EPHB2: variants seen among roughly 807,000 people sequenced by gnomAD.
EPHB2 encodes the protein ephrin type-B receptor 2.
In EPHB2, 18 loss-of-function variants were observed where a neutral mutation model predicts 96.4. The observed-to-expected ratio is 0.19, with a 90% confidence interval of 0.13 to 0.28. The LOEUF (loss-of-function observed/expected upper bound fraction) is 0.28. Among genes scored for constraint, EPHB2 ranks in the 10% least tolerant of loss-of-function variants. The probability of loss-of-function intolerance (pLI) is 1.00; values close to 1 mark genes in which losing one functional copy is unlikely to be tolerated. For synonymous variants in EPHB2, 506 were observed against 534.1 expected (o/e 0.95, Z 0.72); for missense variants, 989 against 1,355.4 (o/e 0.73, Z 4.25).
chr1:22,768,452 C>T (rs534942840), intron 1 of EPHB2, among the ~76,000 whole-genome samples: 1 of 152,132 alleles, frequency 6.6e-6, no homozygotes, highest in African/African-American at 2.4e-5. Context: ...TTTGGGAGGC[C>T]GAGGTGGGAG....
chr1:22,729,837 C>T (rs1643666213), intron 1 of EPHB2, among the ~76,000 whole-genome samples: 1 of 152,262 alleles, frequency 6.6e-6, no homozygotes, highest in South Asian at 2.1e-4. Context: ...TGCTTCATCA[C>T]TTAGATTCCC....
chr1:22,856,092 C>A (rs1483259340), intron 3 of EPHB2, among the ~76,000 whole-genome samples: 1 of 152,070 alleles, frequency 6.6e-6, no homozygotes, highest in African/African-American at 2.4e-5. Context: ...CTGGGCCTGA[C>A]CCAGCGATTG....
At chr1:22,823,066 G>T (rs1363205028) in intron 3 of EPHB2, among the ~76,000 whole-genome samples, 1 of 152,128 alleles carries the variant, frequency 6.6e-6, no homozygotes, top group African/African-American at 2.4e-5. Flanking sequence ...GGTCCTCATT[G>T]TTTCTTAGGA....
Position 22,838,666 on chromosome 1 carries a change from C to T in EPHB2, c.812-24371C>T, listed in dbSNP as rs1016314188. Among the ~76,000 whole-genome samples the T allele has an allele frequency of 1.1e-4, 16 of 152,162 alleles. 1 individual carries two copies. In the South Asian group the frequency reaches 1.2e-3, roughly 12 times the overall value. ...TACTAGAGGCCAGGTGCGTGGCTCA[C>T]GCCTGTAATCCCAGCACTTTGGGAG... On this transcript the variant is annotated intron_variant, in intron 3 of 15. Transcript: ENST00000374630.
intron 6 of EPHB2, among the ~76,000 whole-genome samples, chr1:22,883,459 C>T (rs1025000298): frequency 2.0e-5 from 3 of 152,234 alleles, no homozygotes; most frequent in Non-Finnish European, 2.9e-5. Flanking sequence ...CAGGAGGCAA[C>T]AAACAGCCAC....
At chr1:22,853,669 C>T (rs1290647481) in intron 3 of EPHB2, among the ~76,000 whole-genome samples, 6 of 152,252 alleles carry the variant, frequency 3.9e-5, no homozygotes, top group Non-Finnish European at 8.8e-5. Context: ...AGCAAAGGCC[C>T]AGAGGCGAGA....
intron 5 of EPHB2, among the ~76,000 whole-genome samples, chr1:22,866,486 A>G (rs552512458): frequency 7.3e-5 from 11 of 151,162 alleles, no homozygotes; most frequent in African/African-American, 2.4e-4. Context: ...CTCATCTTGA[A>G]CTCCTGGCCT....
chr1:22,880,459 AT>A (rs746677205), intron 5 of EPHB2, among the ~76,000 whole-genome samples: 1 of 152,220 alleles, frequency 6.6e-6, no homozygotes, highest in Non-Finnish European at 1.5e-5. Context: ...TGAGGAAAGA[AT>A]GCAGGAGGTG....
At chr1:22,904,851 T>C (rs1384838939) in intron 9 of EPHB2, among the ~76,000 whole-genome samples, 8 of 152,238 alleles carry the variant, frequency 5.3e-5, no homozygotes, top group African/African-American at 1.9e-4. Flanking sequence ...GGTCAACTCA[T>C]ATGTCCAAGG....
chr1:22,873,936 G>A (rs1004130674), intron 5 of EPHB2, among the ~76,000 whole-genome samples: 1 of 152,196 alleles, frequency 6.6e-6, no homozygotes, highest in Admixed American at 6.5e-5. Context: ...CCAGGATTTT[G>A]TTAAGTTGAG....
At chr1:22,836,927 T>G (rs1645394188) in intron 3 of EPHB2, 1 of 152,272 alleles carries the variant, frequency 6.6e-6, no homozygotes, top group Non-Finnish European at 1.5e-5. Flanking sequence ...AGGGCCCTGG[T>G]AGAAAACTTT....
intron 3 of EPHB2, among the ~76,000 whole-genome samples, chr1:22,852,316 T>C (rs1179400139): frequency 2.0e-5 from 3 of 151,804 alleles, no homozygotes; most frequent in Non-Finnish European, 2.9e-5. Context: ...GGGGAGGGGG[T>C]TCCTGCCCAC....
At position 22,906,628 on chromosome 1, in the gene EPHB2, T is replaced by C; in HGVS notation, c.1889-82T>C. ...GAAGAAAATGTACCTGCAGGCCCCG[T>C]GAGTGGACATGACAGGGAACAGGAA... is the stretch of plus-strand genomic sequence containing the variant. On this transcript the variant is annotated intron_variant, in intron 10 of 15. Coordinates refer to ENST00000374630, the MANE Select transcript of EPHB2 (RefSeq NM_017449.5). This position sits in a 1 kb window ranked among gnomAD's most constrained non-coding sequence, Gnocchi z 4.8. The C allele has an allele frequency of 6.2e-7, 1 of 1,602,142 alleles. No homozygotes were observed. Among genetic ancestry groups the C allele is most frequent in the Non-Finnish European group, 8.5e-7 (1 of 1,175,318 alleles).
At chr1:22,786,334 A>G (rs201054124) in intron 3 of EPHB2, among the ~76,000 whole-genome samples, 9 of 152,314 alleles carry the variant, frequency 5.9e-5, no homozygotes, top group South Asian at 2.1e-4. Context: ...GTGAGCTGCA[A>G]TGGTGGTGCT....
chr1:22,778,880 C>T (rs1048146974), intron 1 of EPHB2, among the ~76,000 whole-genome samples: 4 of 152,224 alleles, frequency 2.6e-5, no homozygotes, highest in South Asian at 2.1e-4. Flanking sequence ...TCCACCCGTA[C>T]GATGAGGATG....
chr1:22,838,143 A>G (rs1645412021), intron 3 of EPHB2, among the ~76,000 whole-genome samples: 2 of 152,204 alleles, frequency 1.3e-5, no homozygotes, highest in South Asian at 4.1e-4. Context: ...TGAGTCCCAG[A>G]TCTGTGTGAC....
chr1:22,822,870 C>T (rs1272908021), intron 3 of EPHB2, among the ~76,000 whole-genome samples: 1 of 152,254 alleles, frequency 6.6e-6, no homozygotes, highest in African/African-American at 2.4e-5. Context: ...GGACCCGTCC[C>T]ACAGAGCCAC....
intron 3 of EPHB2, among the ~76,000 whole-genome samples, chr1:22,801,094 T>C (rs1644836738): frequency 6.6e-6 from 1 of 152,198 alleles, no homozygotes; most frequent in Non-Finnish European, 1.5e-5. Context: ...TCTGCTGCTT[T>C]CTAGCTGTAT....
chr1:22,881,642 T>C (rs1208820402), intron 5 of EPHB2, among the ~76,000 whole-genome samples: 1 of 152,206 alleles, frequency 6.6e-6, no homozygotes, highest in Admixed American at 6.5e-5. Context: ...TTGCCCAGGC[T>C]GGAGTGCAAT....
Sources: allele counts gnomAD v4.1 joint callset (sites outside exome capture counted in the v4.1 genomes callset), GRCh38; gene constraint gnomAD v4.1.1; non-coding constraint Gnocchi (gnomAD v3.1); transcripts MANE v1.5; gene names NCBI Gene and HGNC (gene_info 2026-07-23, HGNC 2026-07-21).